Variants in BRAF observed in about 807,000 individuals in gnomAD.
The protein encoded by BRAF is serine/threonine-protein kinase B-raf.
Under a neutral mutation model 104.6 loss-of-function variants are expected in BRAF, and 16 were observed. The observed-to-expected ratio is 0.15, with a 90% CI of 0.10 to 0.23. The LOEUF (loss-of-function observed/expected upper bound fraction) is 0.23. BRAF is among the 10% of genes least tolerant of loss of function. The pLI, the probability that BRAF is intolerant of heterozygous loss-of-function variation, is 1.00. For missense variants in BRAF, 541 were observed against 937.3 expected (o/e 0.58, Z 5.52); for synonymous variants, 310 against 341.6 (o/e 0.91, Z 1.02).
chr7:140,753,170 G>C (rs1325890739), intron 16 of BRAF, 105 bp downstream of exon 15: 3 of 832,636 alleles, frequency 3.6e-6, no homozygotes, highest in African/African-American at 1.7e-5. Flanking sequence ...TGAATACTGG[G>C]AACTATGAAA....
chr7:140,719,997 C>G lies in BRAF; in HGVS notation c.*6497G>C, dbSNP rs1563220366. 1 of 1,062,568 alleles carries G rather than the reference C, an allele frequency of 9.4e-7. No individual in the cohort carries two copies. The highest frequency in any genetic ancestry group is 5.1e-5 in the East Asian group (1 of 19,756). 65.8% of individuals were successfully genotyped at this position (1,062,568 alleles called of 1,614,324 possible). ...AACAGGAAGCATCTCCCTTTCCTCT[C>G]CCTTACAGGAGTCATGTCCTCAAAC... On this transcript the variant is annotated 3_prime_UTR_variant, in exon 20 of 20. Transcript: ENST00000644969.
At position 140,869,893 on chromosome 7, in the gene BRAF, GAA is replaced by G. The variant is rs796790615; in HGVS notation, c.139-19683_139-19682del. On this transcript the variant is annotated intron_variant, in intron 1 of 19. Transcript: ENST00000644969. ...AGTTATTAAGTGTATAAATAAAAGA[GAA>G]AGTCATGACTTTTAACACAAGGAAG... Among the ~76,000 whole-genome samples, 34 of 152,234 alleles carry G rather than the reference GAA, an allele frequency of 2.2e-4. 1 individual carries two copies. Among genetic ancestry groups the G allele is most frequent in the African/African-American group, 7.9e-4 (33 of 41,544 alleles).
At chr7:140,870,549 T>C (rs1811461586) in intron 1 of BRAF, among the ~76,000 whole-genome samples, 1 of 151,902 alleles carries the variant, frequency 6.6e-6, no homozygotes. Flanking sequence ...TTCTAGGTAA[T>C]CTTAGTACTT....
intron 2 of BRAF, among the ~76,000 whole-genome samples, chr7:140,847,266 G>C (rs1808660076): frequency 6.6e-6 from 1 of 151,868 alleles, no homozygotes; most frequent in Admixed American, 6.6e-5. Flanking sequence ...AAAAGGCGGA[G>C]ATTGTTGGCC....
rs570135397 is a variant in BRAF at position 140,820,807 on chromosome 7, G to A, written c.505-11812C>T. 7.2e-5 allele frequency among the ~76,000 whole-genome samples: 11 copies of A among 152,208 alleles called. 1 individual carries two copies. The highest frequency in any genetic ancestry group is 2.4e-4 in the African/African-American group (10 of 41,520). ...AATTTAAAAATTAGGCATGGCACAC[G>A]CCTGTGGTCTCAGCTACTTGGAGGG... On this transcript the variant is annotated intron_variant, in intron 3 of 19. Coordinates refer to ENST00000644969, the MANE Select transcript of BRAF (RefSeq NM_001374258.1).
intron 3 of BRAF, among the ~76,000 whole-genome samples, chr7:140,813,946 A>T (rs1355503683): frequency 6.6e-6 from 1 of 152,162 alleles, no homozygotes; most frequent in Admixed American, 6.5e-5. Flanking sequence ...TAAAAGGTGC[A>T]GAGAAAATTG....
chr7:140,907,786 C>T (rs1816494146), intron 1 of BRAF, among the ~76,000 whole-genome samples: 1 of 151,678 alleles, frequency 6.6e-6, no homozygotes, highest in South Asian at 2.1e-4. Flanking sequence ...CTCTTATAGG[C>T]CAGGCTGGAG....
intron 14 of BRAF, among the ~76,000 whole-genome samples, chr7:140,765,855 C>T (rs1313519415): frequency 6.7e-6 from 1 of 150,056 alleles, no homozygotes; most frequent in South Asian, 2.1e-4. Flanking sequence ...GTTGGTGGGA[C>T]TGTAAACTAG....
rs574852865 is a variant in BRAF, at chr7:140,881,053, C to T, written c.139-30841G>A. Among the ~76,000 whole-genome samples, 7 of 152,242 alleles carry T rather than the reference C, an allele frequency of 4.6e-5. 1 individual carries two copies. The highest frequency in any genetic ancestry group is 3.3e-4 in the Admixed American group (5 of 15,290). ...CTTGGGTGATCAGGTATATTATCAA[C>T]GATTAGTAATATGTTGGAAGGGATC... On this transcript the variant is annotated intron_variant, in intron 1 of 19. Transcript: ENST00000644969.
chr7:140,797,905 T>C (rs971335217), intron 7 of BRAF, among the ~76,000 whole-genome samples: 4 of 152,166 alleles, frequency 2.6e-5, no homozygotes, highest in African/African-American at 9.7e-5. Context: ...ACACAAGTAG[T>C]GATAGAGCCA....
At chr7:140,726,562 T>C (rs1198891548) in intron 19 of BRAF, 14 of 1,444,980 alleles carry the variant, frequency 9.7e-6, no homozygotes, top group Non-Finnish European at 1.2e-5. Flanking sequence ...TCATCTCAAA[T>C]AACCTAGAGA....
At chr7:140,847,290 T>C (rs1000789542) in intron 2 of BRAF, among the ~76,000 whole-genome samples, 1 of 148,394 alleles carries the variant, frequency 6.7e-6, no homozygotes, top group Admixed American at 6.7e-5. Flanking sequence ...TTTTAAAAAA[T>C]TGCTATTCCC....
chr7:140,908,580 G>A (rs1299898937), intron 1 of BRAF, among the ~76,000 whole-genome samples: 1 of 151,978 alleles, frequency 6.6e-6, no homozygotes, highest in African/African-American at 2.4e-5. Context: ...AACCCTCAAG[G>A]CAAATCACTG....
At position 140,776,899 on chromosome 7, in the gene BRAF, G is replaced by A. The variant is rs368578780; in HGVS notation, c.1814+13C>T. 32 of 1,608,792 alleles carry A rather than the reference G, an allele frequency of 2.0e-5. No homozygotes were observed. In the African/African-American group the frequency reaches 2.8e-4, roughly 14 times the overall value. ...AAAAATAATTTACAAGACATTTAAC[G>A]AATGGAACTTACTCCATGCCCTGTG... On this transcript the variant is annotated intron_variant, in intron 14 of 19. Coordinates refer to ENST00000644969, the MANE Select transcript of BRAF (RefSeq NM_001374258.1).
chr7:140,800,309 A>G (rs1802952655), intron 7 of BRAF, 53 bp downstream of exon 7: 1 of 1,612,862 alleles, frequency 6.2e-7, no homozygotes, highest in African/African-American at 1.3e-5. Flanking sequence ...CAGGAGATCC[A>G]AAAGAAAGCG....
chr7:140,848,540 T>C (rs1808811615), intron 2 of BRAF, among the ~76,000 whole-genome samples: 2 of 152,230 alleles, frequency 1.3e-5, no homozygotes, highest in South Asian at 4.1e-4. Flanking sequence ...AGTGAATCAC[T>C]GCTATAGTGG....
chr7:140,909,848 A>AAC (rs1563032209), intron 1 of BRAF, among the ~76,000 whole-genome samples: 7 of 150,618 alleles, frequency 4.6e-5, no homozygotes, highest in Middle Eastern at 3.4e-3. Context: ...ACAACAACAA[A>AAC]AAAGTGCCTC....
chr7:140,793,015 A>G (rs1212185367), intron 8 of BRAF, among the ~76,000 whole-genome samples: 1 of 152,252 alleles, frequency 6.6e-6, no homozygotes, highest in Non-Finnish European at 1.5e-5. Flanking sequence ...AATGTAGTAT[A>G]TAATTCAAGT....
chr7:140,792,165 T>C (rs949920766), intron 8 of BRAF, among the ~76,000 whole-genome samples: 1 of 152,188 alleles, frequency 6.6e-6, no homozygotes, highest in Non-Finnish European at 1.5e-5. Context: ...CAAAACACAC[T>C]CTTTCTCAGC....
Sources: gnomAD v4.1 joint callset for allele counts (sites outside exome capture counted in the v4.1 genomes callset) on GRCh38, gnomAD v4.1.1 for gene constraint, MANE v1.5 for transcripts, NCBI Gene and HGNC (gene_info 2026-07-23, HGNC 2026-07-21) for gene names.